IPO11: variants seen among roughly 807,000 people sequenced by gnomAD.
IPO11 encodes importin-11.
A neutral mutation model predicts 143.2 loss-of-function variants in IPO11; 66 were observed. The observed-to-expected ratio is 0.46, with a 90% confidence interval of 0.38 to 0.57. The LOEUF (loss-of-function observed/expected upper bound fraction) is 0.57, where lower values mean the gene tolerates loss of function less well. IPO11 is among the 20% of genes least tolerant of loss of function. The probability of loss-of-function intolerance (pLI) is 0.00; values close to 1 mark genes in which losing one functional copy is unlikely to be tolerated. For synonymous variants in IPO11, 385 were observed against 377.8 expected (o/e 1.02, Z -0.22); for missense variants, 1,026 against 1,141.0 (o/e 0.90, Z 1.45).
intron 26 of IPO11, among the ~76,000 whole-genome samples, chr5:62,557,394 G>T (rs796732861): frequency 6.6e-6 from 1 of 152,070 alleles, no homozygotes; most frequent in African/African-American, 2.4e-5. Flanking sequence ...TGTTGGTCAG[G>T]CTGGTCTTGA....
intron 27 of IPO11, among the ~76,000 whole-genome samples, chr5:62,566,677 G>T (rs1743949693): frequency 6.6e-6 from 1 of 150,542 alleles, no homozygotes; most frequent in African/African-American, 2.5e-5. Flanking sequence ...GACAGAGGTT[G>T]CAGTGAGCCA....
intron 27 of IPO11, among the ~76,000 whole-genome samples, chr5:62,590,495 A>G (rs1191773005): frequency 2.0e-5 from 3 of 152,206 alleles, no homozygotes; most frequent in Non-Finnish European, 4.4e-5. Context: ...GACTTTAAAT[A>G]TTAATTAGGT....
chr5:62,485,554 C>T (rs1178503070), intron 12 of IPO11, 92 bp downstream of exon 12: 2 of 1,050,984 alleles, frequency 1.9e-6, no homozygotes, highest in African/African-American at 1.6e-5. Context: ...AGATTCCAGA[C>T]ATTTGCTGGG....
At chr5:62,513,680 G>A (rs1561343299) in intron 19 of IPO11, among the ~76,000 whole-genome samples, 2 of 142,762 alleles carry the variant, frequency 1.4e-5, no homozygotes, top group Admixed American at 1.4e-4. Context: ...GGTTGGCCGG[G>A]CGGGGGGCTG....
At chr5:62,600,766 A>G (rs1382421327) in intron 28 of IPO11, among the ~76,000 whole-genome samples, 2 of 152,198 alleles carry the variant, frequency 1.3e-5, no homozygotes, top group Non-Finnish European at 2.9e-5. Flanking sequence ...GCCGTTTTTC[A>G]GGACTTCTGA....
At chr5:62,603,559 C>T (rs1745585775) in intron 29 of IPO11, among the ~76,000 whole-genome samples, 1 of 152,212 alleles carries the variant, frequency 6.6e-6, no homozygotes, top group African/African-American at 2.4e-5. Context: ...AAGACGGGAA[C>T]CAGTCCTGGA....
intron 8 of IPO11, among the ~76,000 whole-genome samples, chr5:62,476,222 TAGAG>T (rs1398541606): frequency 6.6e-6 from 1 of 152,034 alleles, no homozygotes; most frequent in East Asian, 1.9e-4. Context: ...AGAGTATTAT[TAGAG>T]AGCAGATTAG....
chr5:62,496,106 G>A (rs549698013), intron 16 of IPO11, among the ~76,000 whole-genome samples: 2 of 152,136 alleles, frequency 1.3e-5, no homozygotes, highest in Admixed American at 6.5e-5. Context: ...TGGCCAGCAC[G>A]ATGAAACCCC....
chr5:62,591,520 A>C lies in IPO11; in HGVS notation c.2583-57A>C, dbSNP rs992210767. 42 of 1,016,092 alleles carry C rather than the reference A, an allele frequency of 4.1e-5. No individual in the cohort carries two copies. The Admixed American group carries it at 5.5e-4, about 13-fold the overall frequency. The allele number at this position is 1,016,092 out of a possible 1,614,324, so 62.9% of individuals were successfully genotyped here. On this transcript the variant is annotated intron_variant, in intron 27 of 29. Transcript: ENST00000325324. ...CGAGAAGATGTTTAGGAAAAAAAAA[A>C]CAAAAAGAATTAATCTAGTATTCCA...
At chr5:62,451,370 A>G (rs530172969) in intron 4 of IPO11, among the ~76,000 whole-genome samples, 1 of 152,320 alleles carries the variant, frequency 6.6e-6, no homozygotes, top group African/African-American at 2.4e-5. Flanking sequence ...AACAATAAAA[A>G]TTAGTGAGAA....
chr5:62,484,688 T>C (rs1227101911), intron 11 of IPO11, among the ~76,000 whole-genome samples: 1 of 152,024 alleles, frequency 6.6e-6, no homozygotes, highest in South Asian at 2.1e-4. Flanking sequence ...CTTACTTGTA[T>C]GTGAATTACT....
chr5:62,580,542 G>T, intron 27 of IPO11: 4 of 1,551,262 alleles, frequency 2.6e-6, no homozygotes, highest in Non-Finnish European at 3.5e-6. Context: ...GCAAACTTTT[G>T]GGCCTTCGAG....
intron 27 of IPO11, among the ~76,000 whole-genome samples, chr5:62,573,400 A>G (rs886383429): frequency 9.2e-5 from 14 of 152,160 alleles, no homozygotes; most frequent in African/African-American, 2.9e-4. Context: ...TGTTTATCCT[A>G]ATTTCTCTGC....
rs562502540 is a variant in IPO11 at position 62,479,694 on chromosome 5, A to G, written c.828+2941A>G. ...TGCATCTCTCTGATAGCCAGTGATGATGAGCATTTTTTCATGTGTCTGCTG... is the reference window on the plus strand; with the variant it reads ...TGCATCTCTCTGATAGCCAGTGATGGTGAGCATTTTTTCATGTGTCTGCTG... On this transcript the variant is annotated intron_variant, in intron 9 of 29. Coordinates refer to ENST00000325324, the MANE Select transcript of IPO11 (RefSeq NM_016338.5). Among the ~76,000 whole-genome samples, 29 of 152,228 alleles carry G rather than the reference A, an allele frequency of 1.9e-4. 1 individual carries two copies. The South Asian group carries it at 5.8e-3, about 31-fold the overall frequency.
At chr5:62,452,138 A>AATTTTGTCTT (rs1744954498) in intron 5 of IPO11, among the ~76,000 whole-genome samples, 12 of 151,456 alleles carry the variant, frequency 7.9e-5, no homozygotes, top group African/African-American at 2.7e-4. Flanking sequence ...CCAGCTACTC[A>AATTTTGTCTT]GGAGGCTGAA....
At chr5:62,528,546 A>G (rs995272219) in intron 21 of IPO11, among the ~76,000 whole-genome samples, 2 of 152,090 alleles carry the variant, frequency 1.3e-5, no homozygotes, top group Admixed American at 1.3e-4. Flanking sequence ...TGAAGGAGGC[A>G]AAAAGGGGTG....
intron 27 of IPO11, among the ~76,000 whole-genome samples, chr5:62,582,405 C>T (rs1744602094): frequency 6.6e-6 from 1 of 152,120 alleles, no homozygotes; most frequent in Admixed American, 6.5e-5. Flanking sequence ...CAGTTTTGTG[C>T]TGTATTCACT....
At chr5:62,438,085 A>C (rs1210160087) in intron 2 of IPO11, among the ~76,000 whole-genome samples, 1 of 152,022 alleles carries the variant, frequency 6.6e-6, no homozygotes, top group South Asian at 2.1e-4. Context: ...TGGTCAGGGC[A>C]ACAAAGCTCC....
intron 5 of IPO11, among the ~76,000 whole-genome samples, chr5:62,462,526 T>G (rs1745397363): frequency 1.3e-5 from 2 of 151,856 alleles, no homozygotes. Context: ...GCTACCATTA[T>G]TAAAAAAAAT....
Sources: allele counts gnomAD v4.1 joint callset (sites outside exome capture counted in the v4.1 genomes callset), GRCh38; gene constraint gnomAD v4.1.1; transcripts MANE v1.5; gene names NCBI Gene and HGNC (gene_info 2026-07-23, HGNC 2026-07-21).